Variants in KIRREL3 observed in about 807,000 individuals in gnomAD.
KIRREL3 encodes the protein kirre like nephrin family adhesion molecule 3.
In KIRREL3, 36 loss-of-function variants were observed where a neutral mutation model predicts 89.7. That is an observed-to-expected ratio of 0.40 (90% CI 0.31 to 0.53). KIRREL3 has a LOEUF of 0.53. Among genes scored for constraint, KIRREL3 ranks in the 20% least tolerant of loss-of-function variants. The pLI, the probability that KIRREL3 is intolerant of heterozygous loss-of-function variation, is 0.49. For synonymous variants in KIRREL3, 445 were observed against 441.4 expected (o/e 1.01, Z -0.10); for missense variants, 864 against 1,056.6 (o/e 0.82, Z 2.53).
At chr11:126,674,287 G>T (rs764865908) in intron 1 of KIRREL3, among the ~76,000 whole-genome samples, 17 of 152,148 alleles carry the variant, frequency 1.1e-4, no homozygotes, top group Non-Finnish European at 2.5e-4. Context: ...GATTTTGAAG[G>T]CATACTAGGT....
chr11:126,466,396 G>A (rs1357031909), intron 5 of KIRREL3, among the ~76,000 whole-genome samples: 2 of 152,242 alleles, frequency 1.3e-5, no homozygotes, highest in African/African-American at 4.8e-5. Flanking sequence ...CGTGCAGCGG[G>A]TATCCCAGGG....
At position 126,429,739 on chromosome 11, in the gene KIRREL3, A is replaced by G. The variant is rs1191370843; in HGVS notation, c.1697-451T>C. ...CATGGCCAACCCCCATCCAAAGAGA[A>G]ACGCCCCTGAGGCAGTGGGCAGCTT... On this transcript the variant is annotated intron_variant, in intron 14 of 16. Transcript: ENST00000525144. This position sits in a 1 kb window ranked among gnomAD's most constrained non-coding sequence, Gnocchi z 5.2. 6.6e-6 allele frequency among the ~76,000 whole-genome samples: 1 copy of G among 152,148 alleles called. No individual in the cohort carries two copies. The highest frequency in any genetic ancestry group is 1.5e-5 in the Non-Finnish European group (1 of 68,032).
intron 1 of KIRREL3, among the ~76,000 whole-genome samples, chr11:126,815,634 C>T (rs1056807045): frequency 6.6e-6 from 1 of 152,092 alleles, no homozygotes; most frequent in Non-Finnish European, 1.5e-5. Context: ...CCCACGTTCA[C>T]GCCATTCTCC....
intron 1 of KIRREL3, among the ~76,000 whole-genome samples, chr11:126,632,763 C>A (rs1427189479): frequency 9.7e-5 from 1 of 10,296 alleles, no homozygotes; most frequent in African/African-American, 3.8e-4. Flanking sequence ...TTTTATCTCC[C>A]AATGCCCAGG....
In KIRREL3 at chr11:126,908,127, G is replaced by A. The variant is rs578126053; in HGVS notation, c.55+92328C>T. On this transcript the variant is annotated intron_variant, in intron 1 of 16. Coordinates refer to ENST00000525144, the MANE Select transcript of KIRREL3 (RefSeq NM_032531.4). The surrounding 1 kb of genome is among the most constrained non-coding windows in gnomAD (Gnocchi z 4.2). ...GTTGTTTATGATCCTGCCCCCTCCC[G>A]TCAGAATGCAAGTCCTATGAAGGCA... 5.3e-5 allele frequency among the ~76,000 whole-genome samples: 8 copies of A among 152,062 alleles called. No homozygotes were observed. The highest frequency in any genetic ancestry group is 4.2e-4 in the South Asian group (2 of 4,804).
intron 4 of KIRREL3, among the ~76,000 whole-genome samples, chr11:126,483,945 C>A (rs1305843343): frequency 6.6e-6 from 1 of 152,212 alleles, no homozygotes; most frequent in Non-Finnish European, 1.5e-5. Context: ...CCTGACTCTC[C>A]CACCTGCAGC....
rs186645175 is a variant in KIRREL3, at chr11:126,618,170, C to T, written c.56-55258G>A. ...GGCCATGTGAGACATCTCGCTTCTC[C>T]TACAACTTCTGCCATGATTGTAAGT... is the stretch of plus-strand genomic sequence containing the variant. On this transcript the variant is annotated intron_variant, in intron 1 of 16. Transcript: ENST00000525144. Among the ~76,000 whole-genome samples, 61 of 152,332 alleles carry T rather than the reference C, an allele frequency of 4.0e-4. 1 individual carries two copies. Among genetic ancestry groups the T allele is most frequent in the African/African-American group, 1.4e-3 (59 of 41,580 alleles).
Position 126,601,218 on chromosome 11 carries a change from A to G in KIRREL3, c.56-38306T>C, listed in dbSNP as rs1269105749. Among the ~76,000 whole-genome samples, 1 of 152,188 alleles carries G rather than the reference A, an allele frequency of 6.6e-6. No individual in the cohort carries two copies. Reference sequence around the variant, plus strand: ...TCTCTTCATGCTCTTGTTGACAATAATAACTGATTGCTGCATCAATGTGAT... The same window carrying G: ...TCTCTTCATGCTCTTGTTGACAATAGTAACTGATTGCTGCATCAATGTGAT... On this transcript the variant is annotated intron_variant, in intron 1 of 16. Transcript: ENST00000525144. This position sits in a 1 kb window ranked among gnomAD's most constrained non-coding sequence, Gnocchi z 5.8.
At position 126,676,568 on chromosome 11, in the gene KIRREL3, T is replaced by C. The variant is rs1173501057; in HGVS notation, c.56-113656A>G. Among the ~76,000 whole-genome samples, 7 of 152,124 alleles carry C rather than the reference T, an allele frequency of 4.6e-5. No homozygotes were observed. The highest frequency in any genetic ancestry group is 8.8e-5 in the Non-Finnish European group (6 of 68,010). On this transcript the variant is annotated intron_variant, in intron 1 of 16. Transcript: ENST00000525144. The surrounding 1 kb of genome is among the most constrained non-coding windows in gnomAD (Gnocchi z 4.5). ...TGCGAGTCCTTTAAAGAACCTCCCATAGCAGTCTGTGAATACGTATTCTGA... is the reference window on the plus strand; with the variant it reads ...TGCGAGTCCTTTAAAGAACCTCCCACAGCAGTCTGTGAATACGTATTCTGA...
chr11:126,560,598 G>T (rs1940047085), intron 2 of KIRREL3, among the ~76,000 whole-genome samples: 1 of 152,152 alleles, frequency 6.6e-6, no homozygotes, highest in African/African-American at 2.4e-5. Flanking sequence ...GGAGAGAGAA[G>T]AAAATAAAAG....
Position 126,463,356 on chromosome 11 carries a change from G to T in KIRREL3, c.592-49C>A. ...AGAAAGCTCCATGTCGCTTGGCTGG[G>T]GTGGCCAGCCTGGGTTGGGGGTAAA... On this transcript the variant is annotated intron_variant, in intron 5 of 16. Coordinates refer to ENST00000525144, the MANE Select transcript of KIRREL3 (RefSeq NM_032531.4). This position sits in a 1 kb window ranked among gnomAD's most constrained non-coding sequence, Gnocchi z 5.9. The T allele has an allele frequency of 6.3e-7, 1 of 1,578,090 alleles. No individual in the cohort carries two copies. The highest frequency in any genetic ancestry group is 8.6e-7 in the Non-Finnish European group (1 of 1,156,884).
intron 1 of KIRREL3, among the ~76,000 whole-genome samples, chr11:126,974,616 G>T (rs1335836311): frequency 1.6e-4 from 24 of 149,952 alleles, no homozygotes. Flanking sequence ...AGGCTACATG[G>T]TATAGCCCGT....
chr11:126,869,185 A>G (rs1283526002), intron 1 of KIRREL3, among the ~76,000 whole-genome samples: 1 of 142,004 alleles, frequency 7.0e-6, no homozygotes, highest in Non-Finnish European at 1.5e-5. Flanking sequence ...TCCTAGCAGG[A>G]CATGGCAGAA....
chr11:126,882,733 G>A (rs1437060128), intron 1 of KIRREL3, among the ~76,000 whole-genome samples: 3 of 152,152 alleles, frequency 2.0e-5, no homozygotes, highest in African/African-American at 7.2e-5. Context: ...TCCCCCTTTT[G>A]TGCCTGCAAT....
At chr11:126,532,955 G>A (rs1958989088) in intron 2 of KIRREL3, among the ~76,000 whole-genome samples, 1 of 151,722 alleles carries the variant, frequency 6.6e-6, no homozygotes, top group Non-Finnish European at 1.5e-5. Context: ...TATAAAATTA[G>A]TAATTGCTAA....
At position 126,976,236 on chromosome 11, in the gene KIRREL3, T is replaced by C. The variant is rs1303700327; in HGVS notation, c.55+24219A>G. Reference sequence around the variant, plus strand: ...TACCTGACAGAGGAAAATTTGTTTATCAAATTTGTGAATAACACAACATCA... The same window carrying C: ...TACCTGACAGAGGAAAATTTGTTTACCAAATTTGTGAATAACACAACATCA... On this transcript the variant is annotated intron_variant, in intron 1 of 16. Coordinates refer to ENST00000525144, the MANE Select transcript of KIRREL3 (RefSeq NM_032531.4). The surrounding 1 kb of genome is among the most constrained non-coding windows in gnomAD (Gnocchi z 4.2). 2.0e-5 allele frequency among the ~76,000 whole-genome samples: 3 copies of C among 152,142 alleles called. No individual in the cohort carries two copies. Among genetic ancestry groups the C allele is most frequent in the Non-Finnish European group, 2.9e-5 (2 of 68,020 alleles).
chr11:126,675,248 G>T (rs1415788276), intron 1 of KIRREL3, among the ~76,000 whole-genome samples: 1 of 152,214 alleles, frequency 6.6e-6, no homozygotes, highest in African/African-American at 2.4e-5. Context: ...TATGTTTCCA[G>T]CTACTATTTA....
Position 126,601,708 on chromosome 11 carries a change from T to A in KIRREL3, c.56-38796A>T, listed in dbSNP as rs1942662783. ...GCCCCTCCTCCATTCTTCTCATGCA[T>A]CCTGCGGTGCCATTCGCCCACCCCG... On this transcript the variant is annotated intron_variant, in intron 1 of 16. Transcript: ENST00000525144. This position sits in a 1 kb window ranked among gnomAD's most constrained non-coding sequence, Gnocchi z 5.8. Among the ~76,000 whole-genome samples the A allele has an allele frequency of 6.6e-6, 1 of 152,112 alleles. No homozygotes were observed. Among genetic ancestry groups the A allele is most frequent in the Non-Finnish European group, 1.5e-5 (1 of 68,020 alleles).
chr11:126,480,737 G>A (rs1444281546), intron 4 of KIRREL3, among the ~76,000 whole-genome samples: 1 of 152,216 alleles, frequency 6.6e-6, no homozygotes, highest in Non-Finnish European at 1.5e-5. Flanking sequence ...GAATTTCAGA[G>A]GGCCCCAGGA....
Sources: gnomAD v4.1 joint callset for allele counts (sites outside exome capture counted in the v4.1 genomes callset) on GRCh38, gnomAD v4.1.1 for gene constraint, Gnocchi (gnomAD v3.1) non-coding constraint, MANE v1.5 for transcripts, NCBI Gene and HGNC (gene_info 2026-07-23, HGNC 2026-07-21) for gene names.